Variants in SZT2 observed in about 807,000 individuals in gnomAD.
SZT2 encodes SZT2 subunit of KICSTOR complex.
Under a neutral mutation model 404.2 loss-of-function variants are expected in SZT2, and 216 were observed. That is an observed-to-expected ratio of 0.53 (90% CI 0.48 to 0.60). The LOEUF is 0.60. SZT2 is among the 20% of genes least tolerant of loss of function. SZT2 has a pLI of 0.00. For synonymous variants in SZT2, 1,693 were observed against 1,749.9 expected (o/e 0.97, Z 0.81); for missense variants, 3,857 against 4,459.2 (o/e 0.86, Z 3.85).
chr1:43,407,966 G>A (rs1482190475), intron 4 of SZT2, among the ~76,000 whole-genome samples: 1 of 151,150 alleles, frequency 6.6e-6, no homozygotes, highest in African/African-American at 2.4e-5. Context: ...CCGAGTAGCT[G>A]GGACTACAGG....
intron 46 of SZT2, 113 bp downstream of exon 46, chr1:43,438,015 C>A: frequency 2.8e-6 from 3 of 1,087,768 alleles, no homozygotes; most frequent in Non-Finnish European, 2.7e-6. Flanking sequence ...AGTCTCAGCC[C>A]AAGACCTGAC....
At position 43,420,359 on chromosome 1, in the gene SZT2, T is replaced by G; in HGVS notation, c.1261+36T>G. ...TTAGGCCCTGCTGTAATCCCATAGA[T>G]CTCTCAAGAATTTGTGTGTGGGAAG... is the stretch of plus-strand genomic sequence containing the variant. On this transcript the variant is annotated intron_variant, in intron 9 of 71. Coordinates refer to ENST00000634258, the MANE Select transcript of SZT2 (RefSeq NM_001365999.1). This position sits in a 1 kb window ranked among gnomAD's most constrained non-coding sequence, Gnocchi z 5.1. 2.6e-6 allele frequency: 4 copies of G among 1,518,178 alleles called. No homozygotes were observed. The highest frequency in any genetic ancestry group is 3.5e-6 in the Non-Finnish European group (4 of 1,136,828). 94.0% of individuals were successfully genotyped at this position (1,518,178 alleles called of 1,614,324 possible). A position where few individuals can be genotyped will look rare whatever the true frequency, so the allele number is the denominator to read the frequency against.
Position 43,403,710 on chromosome 1 carries a change from C to T in SZT2, c.263C>T (p.Thr88Ile), listed in dbSNP as rs1649960010. 17 of 1,614,156 alleles carry T rather than the reference C, an allele frequency of 1.1e-5. No individual in the cohort carries two copies. The highest frequency in any genetic ancestry group is 2.2e-5 in the East Asian group (1 of 44,868). The part of the protein sequence containing the change: ...PFLLVPSTRV[T>I]FLAWQYRFVI... ...CTCCTGGTACCTTCCACCCGGGTCA[C>T]CTTCCTGGCTTGGCAGTATCGGTTT... Residue 88 changes from threonine to isoleucine, a missense_variant, in exon 3 of 72, where the codon ACC becomes ATC. Thr to Ile is a moderately conservative substitution (Grantham distance 89, BLOSUM62 -1). Transcript: ENST00000634258.
rs534826906 is a variant in SZT2, at chr1:43,450,757, G to A, written c.*277G>A. ...TGGGCCCTTCTGGGGTACTCCTTTC[G>A]GCCCCCCTGGTAGAGTCTCGGGAGT... On this transcript the variant is annotated 3_prime_UTR_variant, in exon 72 of 72. Coordinates refer to ENST00000634258, the MANE Select transcript of SZT2 (RefSeq NM_001365999.1). This position sits in a 1 kb window ranked among gnomAD's most constrained non-coding sequence, Gnocchi z 4.3. The A allele has an allele frequency of 9.9e-5, 69 of 694,494 alleles. No individual in the cohort carries two copies. The highest frequency in any genetic ancestry group is 9.7e-4 in the African/African-American group (56 of 57,586). 43.0% of individuals were successfully genotyped at this position (694,494 alleles called of 1,614,324 possible). A position where few individuals can be genotyped will look rare whatever the true frequency, so the allele number is the denominator to read the frequency against.
chr1:43,446,043 G>A (rs1033781504), intron 63 of SZT2, 59 bp downstream of exon 63: 2 of 1,598,428 alleles, frequency 1.3e-6, no homozygotes, highest in East Asian at 2.2e-5. Context: ...ACGGCCTGAG[G>A]TCATTGACCC....
chr1:43,426,418 G>T lies in SZT2; in HGVS notation c.3094G>T (p.Val1032Leu), dbSNP rs1339653367. Residue 1032 changes from valine (V) to leucine (L), a missense_variant, in exon 22 of 72, where the codon GTG becomes TTG. Coordinates refer to ENST00000634258, the MANE Select transcript of SZT2 (RefSeq NM_001365999.1). This position sits in a 1 kb window ranked among gnomAD's most constrained non-coding sequence, Gnocchi z 4.9. ...GGGGTCCTGTCCTGCCAACGACATGGTGCTGTGCCTGCTGCACAGCTGCCT... is the reference window on the plus strand; with the variant it reads ...GGGGTCCTGTCCTGCCAACGACATGTTGCTGTGCCTGCTGCACAGCTGCCT... ...AEGSCPANDMVLCLLHSCLGQ... is the reference protein window; with the variant it reads ...AEGSCPANDMLLCLLHSCLGQ... 5.6e-6 allele frequency: 9 copies of T among 1,593,180 alleles called. No homozygotes were observed. The highest frequency in any genetic ancestry group is 1.1e-5 in the South Asian group (1 of 89,866).
rs1655194867 is a variant in SZT2 at position 43,442,655 on chromosome 1, A to G, written c.8151+37A>G. 1.9e-6 allele frequency: 3 copies of G among 1,559,688 alleles called. No homozygotes were observed. Among genetic ancestry groups the G allele is most frequent in the Non-Finnish European group, 1.7e-6 (2 of 1,153,000 alleles). ...TCTGGTTCTTCCTATAGTTTTGGCTACTGAGGGGTCAGTTAAAGGAAAAAC... is the reference window on the plus strand; with the variant it reads ...TCTGGTTCTTCCTATAGTTTTGGCTGCTGAGGGGTCAGTTAAAGGAAAAAC... On this transcript the variant is annotated intron_variant, in intron 58 of 71. Transcript: ENST00000634258. This position sits in a 1 kb window ranked among gnomAD's most constrained non-coding sequence, Gnocchi z 4.5.
chr1:43,453,465 C>A lies in SZT2; in HGVS notation c.*2985C>A. The A allele has an allele frequency of 6.4e-7, 1 of 1,561,560 alleles. No homozygotes were observed. Among genetic ancestry groups the A allele is most frequent in the Non-Finnish European group, 8.7e-7 (1 of 1,151,908 alleles). On this transcript the variant is annotated 3_prime_UTR_variant, in exon 72 of 72. Transcript: ENST00000634258. ...AAGGCCGCCTGTCTCCCGGGGACGG[C>A]CCCCAGCCCCATTTCCCCCTTCTCT...
intron 28 of SZT2, 25 bp downstream of exon 28, chr1:43,428,511 A>G (rs2153933550): frequency 6.2e-7 from 1 of 1,607,862 alleles, no homozygotes; most frequent in South Asian, 1.1e-5. Flanking sequence ...TGAATGATGG[A>G]TAAGGGGGTA....
chr1:43,420,658 C>A lies in SZT2; in HGVS notation c.1262-91C>A. ...TTGGAACCTTTGGCAGGACTGGGTT[C>A]CATGAGGTAGGTGGGGGTTTCAGAT... On this transcript the variant is annotated intron_variant, in intron 9 of 71. Coordinates refer to ENST00000634258, the MANE Select transcript of SZT2 (RefSeq NM_001365999.1). The surrounding 1 kb of genome is among the most constrained non-coding windows in gnomAD (Gnocchi z 5.1). 1 of 1,275,632 alleles carries A rather than the reference C, an allele frequency of 7.8e-7. No individual in the cohort carries two copies. The highest frequency in any genetic ancestry group is 1.1e-6 in the Non-Finnish European group (1 of 919,808). The allele number at this position is 1,275,632 out of a possible 1,614,324, so 79.0% of individuals were successfully genotyped here.
rs368908778 is a variant in SZT2, at chr1:43,420,284, C to A, written c.1222C>A (p.Arg408=). 1 of 1,597,848 alleles carries A rather than the reference C, an allele frequency of 6.3e-7. No individual in the cohort carries two copies. The change falls in exon 9 of 72, where the codon CGA becomes AGA. Residue 408 remains arginine (R), a synonymous_variant. Coordinates refer to ENST00000634258, the MANE Select transcript of SZT2 (RefSeq NM_001365999.1). This position sits in a 1 kb window ranked among gnomAD's most constrained non-coding sequence, Gnocchi z 5.1. ...GGTCAGCACTGTGTCCGTACGGCTT[C>A]GAGAGGGCTACAGTGTCCGAGAGGT... ...DLVSTVSVRL[R]EGYSVREVTL... is the part of the protein sequence containing the mutation.
Position 43,426,388 on chromosome 1 carries a change from G to T in SZT2, c.3064G>T (p.Ala1022Ser). 1 of 1,569,974 alleles carries T rather than the reference G, an allele frequency of 6.4e-7. No individual in the cohort carries two copies. Among genetic ancestry groups the T allele is most frequent in the Non-Finnish European group, 8.6e-7 (1 of 1,163,688 alleles). ...GGCAGAGCCAGAGGGTGTCCCTTTC[G>T]CCGAGGGGTCCTGTCCTGCCAACGA... ...LAREPEGVPF[A>S]EGSCPANDMV... Residue 1022 changes from alanine (A) to serine (S), a missense_variant, in exon 22 of 72, where the codon GCC becomes TCC. Physicochemically the swap from Ala to Ser is moderately conservative, Grantham distance 99. Transcript: ENST00000634258. The surrounding 1 kb of genome is among the most constrained non-coding windows in gnomAD (Gnocchi z 4.9).
At chr1:43,404,816 TTC>T (rs758598683) in intron 4 of SZT2, 1 of 340,708 alleles carries the variant, frequency 2.9e-6, no homozygotes, top group Non-Finnish European at 5.3e-6. Context: ...ATCTCTTTGA[TTC>T]TGACCACTGG....
chr1:43,430,740 A>G lies in SZT2; in HGVS notation c.4725A>G (p.Leu1575=). The change falls in exon 32 of 72, where the codon CTA becomes CTG. Residue 1575 remains leucine, a synonymous_variant. Coordinates refer to ENST00000634258, the MANE Select transcript of SZT2 (RefSeq NM_001365999.1). ...LFLHLTCSVR[L]RGQHSSVPVC... is the part of the protein sequence containing the mutation. The stretch of plus-strand genomic sequence containing the variant: ...TGCACCTCACGTGCTCCGTGCGGCT[A>G]CGTGGGCAGCACAGCTCAGTACCTG... The G allele has an allele frequency of 1.2e-6, 2 of 1,612,908 alleles. No individual in the cohort carries two copies. Among genetic ancestry groups the G allele is most frequent in the Non-Finnish European group, 1.7e-6 (2 of 1,180,008 alleles).
intron 26 of SZT2, 130 bp downstream of exon 26, chr1:43,427,864 C>T: frequency 7.4e-7 from 1 of 1,345,176 alleles, no homozygotes; most frequent in South Asian, 1.4e-5. Flanking sequence ...TGATTTCCCT[C>T]AGCAAACCCT....
At chr1:43,418,766 G>C (rs920212809) in intron 7 of SZT2, among the ~76,000 whole-genome samples, 2 of 152,224 alleles carry the variant, frequency 1.3e-5, no homozygotes, top group African/African-American at 4.8e-5. Flanking sequence ...GTCGAGAAAG[G>C]AGGGTCAGGA....
Position 43,409,246 on chromosome 1 carries a change from G to A in SZT2, c.498+4696G>A, listed in dbSNP as rs1278340606. Among the ~76,000 whole-genome samples the A allele has an allele frequency of 2.0e-5, 3 of 152,140 alleles. No individual in the cohort carries two copies. The East Asian group carries it at 5.8e-4, about 29-fold the overall frequency. On this transcript the variant is annotated intron_variant, in intron 4 of 71. Coordinates refer to ENST00000634258, the MANE Select transcript of SZT2 (RefSeq NM_001365999.1). ...GGTGCTTTCAGAGAGTTAGAGAGTA[G>A]TGTACCCTCCAGTTTGGGGTAAGCA...
chr1:43,438,496 T>G (rs543537904), intron 46 of SZT2, among the ~76,000 whole-genome samples: 38 of 152,268 alleles, frequency 2.5e-4, no homozygotes, highest in African/African-American at 8.2e-4. Context: ...ACAGAGGTTT[T>G]GAGAGTAAAA....
Position 43,424,931 on chromosome 1 carries a change from G to T in SZT2, c.2550+69G>T. 6.4e-7 allele frequency: 1 copy of T among 1,560,338 alleles called. No homozygotes were observed. Among genetic ancestry groups the T allele is most frequent in the Non-Finnish European group, 8.8e-7 (1 of 1,132,560 alleles). ...TAATCCCAGGGACACTCACCTCTGA[G>T]CTGGGTTGGGACTGCTGGAAACTGC... is the stretch of plus-strand genomic sequence containing the variant. On this transcript the variant is annotated intron_variant, in intron 17 of 71. Coordinates refer to ENST00000634258, the MANE Select transcript of SZT2 (RefSeq NM_001365999.1). The surrounding 1 kb of genome is among the most constrained non-coding windows in gnomAD (Gnocchi z 4.1).
Sources: gnomAD v4.1 joint callset for allele counts (sites outside exome capture counted in the v4.1 genomes callset) on GRCh38, gnomAD v4.1.1 for gene constraint, Gnocchi (gnomAD v3.1) non-coding constraint, MANE v1.5 for transcripts, NCBI Gene and HGNC (gene_info 2026-07-23, HGNC 2026-07-21) for gene names.